Variants in PCDH11Y observed in about 807,000 individuals in gnomAD.
PCDH11Y encodes protocadherin 11 Y-linked, also known as protocadherin-11 Y-linked.
For missense variants in PCDH11Y, 12 were observed against 224.8 expected, an observed-to-expected ratio of 0.05 and a Z score of 6.05; for synonymous variants, 9 against 83.6, an observed-to-expected ratio of 0.11 and a Z score of 4.87.
intron 4 of PCDH11Y, among the ~76,000 whole-genome samples, chrY:5,705,355 AT>A: frequency 6.1e-5 from 2 of 32,649 alleles, no homozygotes; most frequent in Non-Finnish European, 1.5e-4. Context: ...TTTTTTCAAC[AT>A]TTTATTCTAA....
chrY:5,078,520 C>T, intron 1 of PCDH11Y, among the ~76,000 whole-genome samples: 1 of 32,854 alleles, frequency 3.0e-5, no homozygotes, highest in Non-Finnish European at 7.5e-5. Flanking sequence ...CACAGTTCCA[C>T]GTTGCTGGAG....
chrY:5,203,234 G>C, intron 2 of PCDH11Y, among the ~76,000 whole-genome samples: 1 of 19,714 alleles, frequency 5.1e-5, no homozygotes, highest in African/African-American at 2.3e-4. Flanking sequence ...ACTTCCTCAT[G>C]GTATTTTGCT....
At chrY:5,122,262 CG>C (rs2052819144) in intron 2 of PCDH11Y, among the ~76,000 whole-genome samples, 1 of 33,041 alleles carries the variant, frequency 3.0e-5, no homozygotes, top group Non-Finnish European at 7.5e-5. Context: ...GGTTTCATCT[CG>C]ATAGTCGGGG....
At chrY:5,225,937 A>G (rs2052959775) in intron 2 of PCDH11Y, among the ~76,000 whole-genome samples, 1 of 23,884 alleles carries the variant, frequency 4.2e-5, no homozygotes, top group African/African-American at 1.7e-4. Context: ...AGAAATGTCT[A>G]TTCAAATCTT....
At chrY:5,709,584 T>C in intron 4 of PCDH11Y, among the ~76,000 whole-genome samples, 4 of 31,324 alleles carry the variant, frequency 1.3e-4, no homozygotes, top group Non-Finnish European at 2.3e-4. Flanking sequence ...AGTGGAGAAA[T>C]AGTCTGGAAC....
intron 2 of PCDH11Y, among the ~76,000 whole-genome samples, chrY:5,267,953 A>G (rs1602896930): frequency 2.8e-5 from 1 of 35,198 alleles, no homozygotes; most frequent in African/African-American, 1.1e-4. Context: ...TGAAAGCCTA[A>G]AAGATCTCTA....
intron 2 of PCDH11Y, among the ~76,000 whole-genome samples, chrY:5,151,873 C>T: frequency 3.5e-5 from 1 of 28,688 alleles, no homozygotes; most frequent in Non-Finnish European, 8.4e-5. Flanking sequence ...AGAGAAGATG[C>T]TAAAAATGCC....
At chrY:5,073,434 ATT>A (rs372102617) in intron 1 of PCDH11Y, among the ~76,000 whole-genome samples, 2 of 27,970 alleles carry the variant, frequency 7.2e-5, no homozygotes, top group African/African-American at 3.0e-4. Context: ...TTAGGAATTC[ATT>A]TTTTTTTTTT....
At chrY:5,527,318 TAGTG>T (rs2053388827) in intron 3 of PCDH11Y, among the ~76,000 whole-genome samples, 1 of 34,636 alleles carries the variant, frequency 2.9e-5, no homozygotes, top group Non-Finnish European at 7.3e-5. Flanking sequence ...TATTGGTGGT[TAGTG>T]AGGGAGTGAA....
chrY:5,650,659 C>A lies in PCDH11Y; in HGVS notation c.3352+68861C>A, dbSNP rs1602956229. Reference sequence around the variant, plus strand: ...CGTCAGTGAATTTATGTGTTTAATTCATAAAGATATTTTTACATATTATTA... The same window carrying A: ...CGTCAGTGAATTTATGTGTTTAATTAATAAAGATATTTTTACATATTATTA... On this transcript the variant is annotated intron_variant, in intron 4 of 4. Coordinates refer to the PCDH11Y transcript ENST00000400457. Among the ~76,000 whole-genome samples the A allele has an allele frequency of 3.9e-4, 13 of 33,087 alleles. No homozygotes were observed. The East Asian group carries it at 0.01, about 26-fold the overall frequency. 88.8% of individuals were successfully genotyped at this position (33,087 alleles called of 37,273 possible).
At chrY:5,618,655 C>A (rs1233442831) in intron 4 of PCDH11Y, among the ~76,000 whole-genome samples, 578 of 21,269 alleles carry the variant, frequency 0.027, no homozygotes, top group East Asian at 0.038. Flanking sequence ...AAAAAAAAAA[C>A]AAAAAAACAG....
At chrY:5,391,984 A>G in intron 2 of PCDH11Y, among the ~76,000 whole-genome samples, 1 of 33,324 alleles carries the variant, frequency 3.0e-5, no homozygotes, top group Non-Finnish European at 7.3e-5. Flanking sequence ...CTCACTGAAT[A>G]TGAAGTGCTA....
intron 2 of PCDH11Y, among the ~76,000 whole-genome samples, chrY:5,373,730 ATATG>A (rs2053194203): frequency 4.1e-5 from 1 of 24,542 alleles, no homozygotes; most frequent in Admixed American, 3.6e-4. Context: ...ATATATATAT[ATATG>A]TGTGTATATA....
chrY:5,521,853 T>C (rs2053381337), intron 3 of PCDH11Y, among the ~76,000 whole-genome samples: 1 of 33,890 alleles, frequency 3.0e-5, no homozygotes, highest in South Asian at 6.6e-4. Flanking sequence ...AAATAGTATT[T>C]GTTTTTTATT....
At chrY:5,177,931 C>T in intron 2 of PCDH11Y, among the ~76,000 whole-genome samples, 1 of 32,667 alleles carries the variant, frequency 3.1e-5, no homozygotes, top group African/African-American at 1.2e-4. Flanking sequence ...TTTTACATTG[C>T]ATGCCTGTAT....
chrY:5,357,613 A>G, intron 2 of PCDH11Y, among the ~76,000 whole-genome samples: 2 of 33,021 alleles, frequency 6.1e-5, no homozygotes, highest in Non-Finnish European at 7.4e-5. Context: ...ACTGCATTTT[A>G]AAATTTTAAA....
intron 3 of PCDH11Y, among the ~76,000 whole-genome samples, chrY:5,049,997 C>A: frequency 3.1e-5 from 1 of 32,467 alleles, no homozygotes; most frequent in Non-Finnish European, 7.5e-5. Flanking sequence ...AAACAAAAAT[C>A]ACAGAAATAA....
At chrY:5,385,015 C>T (rs2053210859) in intron 2 of PCDH11Y, among the ~76,000 whole-genome samples, 1 of 30,740 alleles carries the variant, frequency 3.3e-5, no homozygotes, top group Non-Finnish European at 7.7e-5. Context: ...TGCAGGAGCT[C>T]AGCCCAAAAC....
chrY:5,307,391 T>A, intron 2 of PCDH11Y, among the ~76,000 whole-genome samples: 2 of 33,460 alleles, frequency 6.0e-5, no homozygotes, highest in Non-Finnish European at 1.5e-4. Flanking sequence ...TCACAACAAG[T>A]GGCTTCTCTT....
Sources: gnomAD v4.1 joint callset for allele counts (sites outside exome capture counted in the v4.1 genomes callset) on GRCh38, gnomAD v4.1.1 for gene constraint, MANE v1.5 for transcripts, NCBI Gene and HGNC (gene_info 2026-07-23, HGNC 2026-07-21) for gene names.